FHIP1A: variants seen among roughly 807,000 people sequenced by gnomAD.
The protein encoded by FHIP1A is FHF complex subunit HOOK-interacting protein 1A.
Under a neutral mutation model 88.6 loss-of-function variants are expected in FHIP1A, and 61 were observed. That is an observed-to-expected ratio of 0.69 (90% CI 0.56 to 0.85). The LOEUF (loss-of-function observed/expected upper bound fraction) is 0.85. Ranked by LOEUF, FHIP1A falls within the 40% of genes least tolerant of loss-of-function variation. The pLI is 0.00. For synonymous variants in FHIP1A, 478 were observed against 496.0 expected (o/e 0.96, Z 0.48); for missense variants, 1,154 against 1,273.5 (o/e 0.91, Z 1.43).
At chr4:151,642,948 C>A (rs1286405039) in intron 9 of FHIP1A, among the ~76,000 whole-genome samples, 1 of 149,432 alleles carries the variant, frequency 6.7e-6, no homozygotes, top group African/African-American at 2.4e-5. Context: ...ATATATTTTT[C>A]TTTTTTTCCT....
intron 8 of FHIP1A, among the ~76,000 whole-genome samples, chr4:151,632,356 A>G (rs1228447901): frequency 2.0e-5 from 3 of 151,992 alleles, no homozygotes; most frequent in Non-Finnish European, 4.4e-5. Flanking sequence ...TGACAGAATT[A>G]CAGAGGGAAA....
chr4:151,599,783 C>T lies in FHIP1A; in HGVS notation c.978+10857C>T, dbSNP rs114651220. 5.3e-3 allele frequency among the ~76,000 whole-genome samples: 812 copies of T among 152,222 alleles called. 6 individuals carry two copies. Among genetic ancestry groups the T allele is most frequent in the African/African-American group, 0.019 (784 of 41,522 alleles). ...CAAGGTGCATTTCCAAGGCCACTAA[C>T]GTGGTAGATGGATTTCCATGGTTTT... On this transcript the variant is annotated intron_variant, in intron 7 of 13. Transcript: ENST00000435205.
chr4:151,477,994 C>T (rs1729766335), intron 2 of FHIP1A, among the ~76,000 whole-genome samples: 1 of 151,976 alleles, frequency 6.6e-6, no homozygotes, highest in Admixed American at 6.6e-5. Context: ...CATTCATACG[C>T]ACTATGAATG....
intron 3 of FHIP1A, among the ~76,000 whole-genome samples, chr4:151,525,523 G>A (rs143332483): frequency 6.6e-6 from 1 of 152,120 alleles, no homozygotes; most frequent in Admixed American, 6.5e-5. Context: ...CAGAGAAGGG[G>A]GTCTTGGCAG....
At chr4:151,463,433 G>A (rs1049181766) in intron 2 of FHIP1A, among the ~76,000 whole-genome samples, 4 of 152,174 alleles carry the variant, frequency 2.6e-5, no homozygotes, top group Non-Finnish European at 5.9e-5. Context: ...TCATGACAGG[G>A]CACCTTGATC....
At chr4:151,532,792 C>T (rs1580676782) in intron 3 of FHIP1A, among the ~76,000 whole-genome samples, 2 of 151,936 alleles carry the variant, frequency 1.3e-5, no homozygotes, top group South Asian at 2.1e-4. Context: ...AGAGTCATGG[C>T]GGGAGGTGAA....
At chr4:151,481,974 AG>A (rs1729912666) in intron 2 of FHIP1A, among the ~76,000 whole-genome samples, 2 of 152,128 alleles carry the variant, frequency 1.3e-5, no homozygotes, top group South Asian at 4.1e-4. Context: ...TTATCTTGCC[AG>A]TTAGGCCTGA....
At chr4:151,608,071 G>A (rs1176276463) in intron 7 of FHIP1A, among the ~76,000 whole-genome samples, 14 of 89,886 alleles carry the variant, frequency 1.6e-4, no homozygotes, top group Non-Finnish European at 2.7e-4. Context: ...TTGAGATGGC[G>A]TCTCACTCTG....
chr4:151,657,326 G>A (rs1181173006), intron 13 of FHIP1A, among the ~76,000 whole-genome samples: 2 of 152,188 alleles, frequency 1.3e-5, no homozygotes, highest in East Asian at 1.9e-4. Context: ...CCAAAAATAA[G>A]TGTGCTTTAG....
intron 7 of FHIP1A, among the ~76,000 whole-genome samples, chr4:151,615,882 C>T (rs1214266804): frequency 2.0e-5 from 3 of 152,132 alleles, no homozygotes; most frequent in Admixed American, 1.3e-4. Context: ...GGAGTTTGGA[C>T]ACCCAGAAAA....
At chr4:151,438,296 A>G (rs1314251096) in intron 1 of FHIP1A, among the ~76,000 whole-genome samples, 3 of 151,984 alleles carry the variant, frequency 2.0e-5, no homozygotes, top group Admixed American at 6.6e-5. Flanking sequence ...ACTCTCCGAG[A>G]TGTTTGCGTT....
chr4:151,522,602 G>C (rs1002699907), intron 3 of FHIP1A, among the ~76,000 whole-genome samples: 8 of 152,148 alleles, frequency 5.3e-5, no homozygotes, highest in African/African-American at 1.9e-4. Context: ...CTTCTAATGA[G>C]AAATAACCCA....
At chr4:151,489,882 G>A (rs1257094583) in intron 3 of FHIP1A, among the ~76,000 whole-genome samples, 1 of 151,862 alleles carries the variant, frequency 6.6e-6, no homozygotes, top group Non-Finnish European at 1.5e-5. Context: ...TCCTCTCCCC[G>A]CCCTAGTAGC....
At chr4:151,597,911 A>G (rs1318894122) in intron 7 of FHIP1A, among the ~76,000 whole-genome samples, 1 of 152,110 alleles carries the variant, frequency 6.6e-6, no homozygotes, top group Non-Finnish European at 1.5e-5. Context: ...GGTCGACTTC[A>G]GACTGTTGTG....
At chr4:151,467,661 G>A (rs992152270) in intron 2 of FHIP1A, among the ~76,000 whole-genome samples, 1 of 152,156 alleles carries the variant, frequency 6.6e-6, no homozygotes, top group East Asian at 1.9e-4. Flanking sequence ...AAAAAAGAAT[G>A]AGATCATGTC....
In FHIP1A at chr4:151,663,512, A is replaced by T. The variant is rs1737552760; in HGVS notation, c.*758A>T. The T allele has an allele frequency of 6.6e-6, 1 of 152,210 alleles. No homozygotes were observed. The allele number at this position is 152,210 out of a possible 1,614,324, so 9.4% of individuals were successfully genotyped here. On this transcript the variant is annotated 3_prime_UTR_variant, in exon 14 of 14. Transcript: ENST00000435205. ...CACAAAATTAAGTATACCTATGCAA[A>T]CTATTACTTTGGTTTTTAGGAGTTT...
chr4:151,647,164 A>C lies in FHIP1A; in HGVS notation c.1417+416A>C, dbSNP rs1736829553. Among the ~76,000 whole-genome samples the C allele has an allele frequency of 3.3e-5, 5 of 152,330 alleles. No individual in the cohort carries two copies. In the South Asian group the frequency reaches 1.0e-3, roughly 32 times the overall value. On this transcript the variant is annotated intron_variant, in intron 10 of 13. Coordinates refer to ENST00000435205, the MANE Select transcript of FHIP1A (RefSeq NM_001109977.3). ...GATTTACATATTATTATATATCACT[A>C]TAAAACTTGAAATTTGTGATATGAC...
chr4:151,460,169 G>A (rs1479430986), intron 2 of FHIP1A, among the ~76,000 whole-genome samples: 1 of 152,068 alleles, frequency 6.6e-6, no homozygotes, highest in Non-Finnish European at 1.5e-5. Flanking sequence ...TAAAATGTGG[G>A]TAAATTTTTA....
intron 3 of FHIP1A, among the ~76,000 whole-genome samples, chr4:151,510,593 C>G (rs764695649): frequency 2.2e-4 from 34 of 152,226 alleles, no homozygotes; most frequent in Non-Finnish European, 4.8e-4. Context: ...TGAACCTCAT[C>G]TGTCCTAGGG....
Sources: allele counts gnomAD v4.1 joint callset (sites outside exome capture counted in the v4.1 genomes callset), GRCh38; gene constraint gnomAD v4.1.1; transcripts MANE v1.5; gene names NCBI Gene and HGNC (gene_info 2026-07-23, HGNC 2026-07-21).